Variants in CDKAL1 observed in about 807,000 individuals in gnomAD.
CDKAL1 encodes the protein threonylcarbamoyladenosine tRNA methylthiotransferase.
Under a neutral mutation model 68.2 loss-of-function variants are expected in CDKAL1, and 32 were observed. That is an observed-to-expected ratio of 0.47 (90% confidence interval 0.35 to 0.63). CDKAL1 has a LOEUF of 0.63. Among genes scored for constraint, CDKAL1 ranks in the 30% least tolerant of loss-of-function variants. The pLI is 0.00. For missense variants in CDKAL1, 606 were observed against 696.7 expected (o/e 0.87, Z 1.47); for synonymous variants, 234 against 244.3 (o/e 0.96, Z 0.39).
At chr6:20,731,103 A>G (rs1340768791) in intron 5 of CDKAL1, among the ~76,000 whole-genome samples, 3 of 152,190 alleles carry the variant, frequency 2.0e-5, no homozygotes, top group Non-Finnish European at 4.4e-5. Context: ...AACAGAGTGA[A>G]TGAGGAAAGA....
intron 4 of CDKAL1, among the ~76,000 whole-genome samples, chr6:20,600,771 C>CATATATATATATATATAT (rs10522824): frequency 2.4e-5 from 3 of 124,172 alleles, no homozygotes; most frequent in African/African-American, 8.7e-5. Context: ...TATATGTATA[C>CATATATATATATATATAT]ATATATATAT....
intron 9 of CDKAL1, among the ~76,000 whole-genome samples, chr6:20,863,544 C>G (rs892533034): frequency 6.6e-6 from 1 of 152,154 alleles, no homozygotes; most frequent in African/African-American, 2.4e-5. Context: ...TTTTGCCTTA[C>G]TAATTGGAAG....
intron 7 of CDKAL1, among the ~76,000 whole-genome samples, chr6:20,776,391 A>G (rs1326777319): frequency 6.6e-6 from 1 of 152,232 alleles, no homozygotes; most frequent in Non-Finnish European, 1.5e-5. Flanking sequence ...ATGTTTCCAT[A>G]TCAGAGCATA....
rs146713125 is a variant in CDKAL1 at position 20,999,866 on chromosome 6, C to T, written c.910-361C>T. On this transcript the variant is annotated intron_variant, in intron 10 of 15. Coordinates refer to ENST00000274695, the MANE Select transcript of CDKAL1 (RefSeq NM_017774.3). ...TTTGCCTTAAATACTGATGTTTTTC[C>T]CACAAATGTAACAAGGCAGAATGTA... Among the ~76,000 whole-genome samples, 1,365 of 152,036 alleles carry T rather than the reference C, an allele frequency of 9.0e-3. 12 individuals are homozygous for T. Among genetic ancestry groups the T allele is most frequent in the Non-Finnish European group, 0.015 (991 of 67,988 alleles).
intron 10 of CDKAL1, among the ~76,000 whole-genome samples, chr6:20,981,932 G>A (rs910477424): frequency 2.6e-5 from 4 of 152,126 alleles, no homozygotes; most frequent in African/African-American, 9.7e-5. Flanking sequence ...ACTCATCTTT[G>A]AAATATCTTT....
chr6:20,577,903 G>A (rs1469623558), intron 4 of CDKAL1, among the ~76,000 whole-genome samples: 2 of 152,252 alleles, frequency 1.3e-5, no homozygotes, highest in African/African-American at 4.8e-5. Flanking sequence ...AAGATGAGTG[G>A]AAGAATGAGC....
At chr6:21,198,533 ATTGG>A (rs1021858367) in intron 14 of CDKAL1, among the ~76,000 whole-genome samples, 1 of 152,038 alleles carries the variant, frequency 6.6e-6, no homozygotes, top group Non-Finnish European at 1.5e-5. Flanking sequence ...TGGTTGGTTG[ATTGG>A]TTGGTTGGTT....
intron 9 of CDKAL1, among the ~76,000 whole-genome samples, chr6:20,904,172 T>C (rs191220192): frequency 1.3e-5 from 2 of 152,216 alleles, no homozygotes; most frequent in East Asian, 3.9e-4. Flanking sequence ...GCAACCATTG[T>C]TTTTGTGCCC....
At chr6:20,570,130 A>T (rs1416761120) in intron 4 of CDKAL1, among the ~76,000 whole-genome samples, 2 of 151,974 alleles carry the variant, frequency 1.3e-5, no homozygotes, top group Non-Finnish European at 1.5e-5. Flanking sequence ...TGTTGTTGAG[A>T]CGGAGTCTCT....
chr6:21,200,002 A>G (rs1778625399), intron 14 of CDKAL1, among the ~76,000 whole-genome samples: 1 of 152,204 alleles, frequency 6.6e-6, no homozygotes, highest in South Asian at 2.1e-4. Context: ...AACTAAGCAT[A>G]TCAAAGATTT....
In CDKAL1 at chr6:20,712,615, C is replaced by G. The variant is rs142716959; in HGVS notation, c.372-26904C>G. Among the ~76,000 whole-genome samples, 128 of 151,520 alleles carry G rather than the reference C, an allele frequency of 8.4e-4. 1 individual carries two copies. The East Asian group carries it at 0.023, about 27-fold the overall frequency. On this transcript the variant is annotated intron_variant, in intron 5 of 15. Transcript: ENST00000274695. ...ATCTGTATGTATAACAACTAATGTT[C>G]AAAATGATTGTTGTTTTTCAAGAAA...
rs1288207121 is a variant in CDKAL1, at chr6:21,208,036, G to A, written c.1548+6762G>A. On this transcript the variant is annotated intron_variant, in intron 15 of 15. Transcript: ENST00000274695. The stretch of plus-strand genomic sequence containing the variant: ...TTATGTCTTTTTTTTTTTTTAAAGA[G>A]AATATTCTAGAATGGAGGCCTGGAC... Among the ~76,000 whole-genome samples, 3 of 150,462 alleles carry A rather than the reference G, an allele frequency of 2.0e-5. No individual in the cohort carries two copies. The Middle Eastern group carries it at 0.01, about 512-fold the overall frequency.
intron 4 of CDKAL1, among the ~76,000 whole-genome samples, chr6:20,578,349 C>T (rs1425202818): frequency 6.6e-6 from 1 of 152,042 alleles, no homozygotes; most frequent in East Asian, 1.9e-4. Context: ...CCCTCCTTTT[C>T]CCTTCCCCTC....
rs368339037 is a variant in CDKAL1, at chr6:20,587,942, A to G, written c.286+39237A>G. 4.6e-5 allele frequency among the ~76,000 whole-genome samples: 7 copies of G among 152,198 alleles called. No homozygotes were observed. The East Asian group carries it at 1.4e-3, about 29-fold the overall frequency. ...GAGACCCTGTTTCTATGAAAAATATAAAAATTTAGCCAGGCATGGTGGCAT... is the reference window on the plus strand; with the variant it reads ...GAGACCCTGTTTCTATGAAAAATATGAAAATTTAGCCAGGCATGGTGGCAT... On this transcript the variant is annotated intron_variant, in intron 4 of 15. Coordinates refer to ENST00000274695, the MANE Select transcript of CDKAL1 (RefSeq NM_017774.3).
At chr6:21,077,613 A>C (rs1772141939) in intron 12 of CDKAL1, among the ~76,000 whole-genome samples, 1 of 152,222 alleles carries the variant, frequency 6.6e-6, no homozygotes, top group South Asian at 2.1e-4. Context: ...CCAGCAGGAA[A>C]GGGGCAGGGG....
chr6:21,141,963 C>A (rs1449253933), intron 13 of CDKAL1, among the ~76,000 whole-genome samples: 2 of 152,076 alleles, frequency 1.3e-5, no homozygotes, highest in African/African-American at 2.4e-5. Flanking sequence ...GTCTTTAATG[C>A]CATTTTTTCT....
intron 9 of CDKAL1, among the ~76,000 whole-genome samples, chr6:20,919,537 C>A (rs1762858075): frequency 6.6e-6 from 1 of 152,124 alleles, no homozygotes; most frequent in South Asian, 2.1e-4. Flanking sequence ...CCCTAGCCCC[C>A]CACTCCCACT....
chr6:20,752,238 A>AT (rs34996587), intron 6 of CDKAL1, among the ~76,000 whole-genome samples: 59,361 of 149,290 alleles, frequency 0.4, 11,810 homozygotes, highest in Non-Finnish European at 0.43. Flanking sequence ...AAGTACTTAC[A>AT]TTTTTTTTTT....
At chr6:21,070,385 CT>C (rs1253729616) in intron 12 of CDKAL1, among the ~76,000 whole-genome samples, 1 of 113,804 alleles carries the variant, frequency 8.8e-6, no homozygotes, top group Admixed American at 1.1e-4. Context: ...GGGCTTTTTT[CT>C]TTTTGTTTCT....
Sources: allele counts gnomAD v4.1 joint callset (sites outside exome capture counted in the v4.1 genomes callset), GRCh38; gene constraint gnomAD v4.1.1; transcripts MANE v1.5; gene names NCBI Gene and HGNC (gene_info 2026-07-23, HGNC 2026-07-21).